INSR: variants seen among roughly 807,000 people sequenced by gnomAD.
The protein encoded by INSR is IR.
Under a neutral mutation model 142.6 loss-of-function variants are expected in INSR, and 67 were observed. That is an observed-to-expected ratio of 0.47 (90% confidence interval 0.39 to 0.58). INSR has a LOEUF of 0.58. Ranked by LOEUF, INSR falls within the 20% of genes least tolerant of loss-of-function variation. INSR has a pLI of 0.00. For synonymous variants in INSR, 756 were observed against 743.1 expected, an observed-to-expected ratio of 1.02 and a Z score of -0.28; for missense variants, 1,248 against 1,833.2, an observed-to-expected ratio of 0.68 and a Z score of 5.83.
Position 7,267,553 on chromosome 19 carries a change from C to T in INSR, c.444G>A (p.Lys148=). 1 of 1,614,132 alleles carries T rather than the reference C, an allele frequency of 6.2e-7. No homozygotes were observed. Among genetic ancestry groups the T allele is most frequent in the Non-Finnish European group, 8.5e-7 (1 of 1,180,018 alleles). The change falls in exon 2 of 22, where the codon AAG becomes AAA. Residue 148 remains lysine, a synonymous_variant. Coordinates refer to ENST00000302850, the MANE Select transcript of INSR (RefSeq NM_000208.4). The surrounding 1 kb of genome is among the most constrained non-coding windows in gnomAD (Gnocchi z 6.3). ...NITRGSVRIE[K]NNELCYLATI... is the part of the protein sequence containing the mutation. ...TGGCCAAGTAACAGAGCTCATTGTT[C>T]TTCTCGATGCGGACAGAACCCCGGG...
intron 2 of INSR, among the ~76,000 whole-genome samples, chr19:7,208,343 T>TC (rs74955999): frequency 0.45 from 68,832 of 151,680 alleles, 15,805 homozygotes; most frequent in African/African-American, 0.53. Context: ...CCTCAGCCTA[T>TC]CTTCCCTCTG....
chr19:7,194,281 G>A (rs1254579826), intron 2 of INSR, among the ~76,000 whole-genome samples: 1 of 152,008 alleles, frequency 6.6e-6, no homozygotes, highest in Non-Finnish European at 1.5e-5. Context: ...GCTGGGCGTG[G>A]TGGTAGGCAC....
chr19:7,248,485 C>CAAAAA (rs758091489), intron 2 of INSR, among the ~76,000 whole-genome samples: 7 of 35,406 alleles, frequency 2.0e-4, no homozygotes, highest in African/African-American at 4.3e-4. Flanking sequence ...GACCCCATCT[C>CAAAAA]AAAAAAAAAA....
At chr19:7,186,621 A>T (rs988830043) in intron 2 of INSR, among the ~76,000 whole-genome samples, 10 of 151,990 alleles carry the variant, frequency 6.6e-5, no homozygotes, top group Admixed American at 1.3e-4. Context: ...ACCAAACTGA[A>T]ACTCTGCCCC....
At chr19:7,244,586 G>A (rs561119099) in intron 2 of INSR, among the ~76,000 whole-genome samples, 160 of 151,906 alleles carry the variant, frequency 1.1e-3, no homozygotes, top group African/African-American at 3.6e-3. Context: ...ATACCTGCCC[G>A]GAAAGGAAAA....
At chr19:7,198,918 T>A (rs1357902979) in intron 2 of INSR, among the ~76,000 whole-genome samples, 7 of 151,946 alleles carry the variant, frequency 4.6e-5, no homozygotes, top group African/African-American at 1.7e-4. Context: ...GGTCTCACTC[T>A]GTCGCCTCAG....
intron 2 of INSR, among the ~76,000 whole-genome samples, chr19:7,236,950 C>A (rs942258940): frequency 8.0e-5 from 12 of 150,906 alleles, no homozygotes; most frequent in African/African-American, 2.9e-4. Context: ...TGGCATGAAC[C>A]CAGGAGACAG....
chr19:7,248,449 G>A (rs1419678442), intron 2 of INSR, among the ~76,000 whole-genome samples: 1 of 128,604 alleles, frequency 7.8e-6, no homozygotes, highest in Non-Finnish European at 1.6e-5. Flanking sequence ...TTACATCACT[G>A]CACTCCAGCC....
intron 13 of INSR, among the ~76,000 whole-genome samples, chr19:7,137,798 CAAAA>C (rs1176523364): frequency 1.7e-4 from 7 of 41,468 alleles, no homozygotes; most frequent in East Asian, 1.6e-3. Flanking sequence ...GACTCCATCT[CAAAA>C]AAAAAAAAAA....
At chr19:7,264,013 T>C (rs548018378) in intron 2 of INSR, among the ~76,000 whole-genome samples, 5 of 152,064 alleles carry the variant, frequency 3.3e-5, no homozygotes, top group East Asian at 1.9e-4. Context: ...CTACTAAAAA[T>C]ACAAAATTAG....
At chr19:7,182,023 T>C (rs1005716875) in intron 3 of INSR, among the ~76,000 whole-genome samples, 1 of 152,042 alleles carries the variant, frequency 6.6e-6, no homozygotes, top group Non-Finnish European at 1.5e-5. Flanking sequence ...CGATTAAGTC[T>C]TTCATAAGAT....
chr19:7,249,717 G>A (rs892774823), intron 2 of INSR, among the ~76,000 whole-genome samples: 3 of 152,144 alleles, frequency 2.0e-5, no homozygotes, highest in South Asian at 2.1e-4. Flanking sequence ...TAGCGGCTGG[G>A]CGCGGTGGCT....
chr19:7,254,346 T>C (rs1976825640), intron 2 of INSR, among the ~76,000 whole-genome samples: 1 of 151,764 alleles, frequency 6.6e-6, no homozygotes, highest in Admixed American at 6.6e-5. Flanking sequence ...CAAGACTCCA[T>C]CTCTTTAATA....
At chr19:7,186,295 C>G (rs1053500182) in intron 2 of INSR, among the ~76,000 whole-genome samples, 8 of 152,082 alleles carry the variant, frequency 5.3e-5, no homozygotes, top group Middle Eastern at 3.2e-3. Flanking sequence ...TGGATCCCAC[C>G]GGCCAAACTC....
rs765709081 is a variant in INSR, at chr19:7,125,564, T to A, written c.3014-37A>T. On this transcript the variant is annotated intron_variant, in intron 16 of 21. Transcript: ENST00000302850. The surrounding 1 kb of genome is among the most constrained non-coding windows in gnomAD (Gnocchi z 4.9). ...TTATCTACACAGCATCCTTGGAGGA[T>A]CCCTTGGGGGTCTGCAGCCACCTTC... The A allele has an allele frequency of 1.2e-6, 2 of 1,608,698 alleles. No homozygotes were observed. Among genetic ancestry groups the A allele is most frequent in the East Asian group, 2.2e-5 (1 of 44,868 alleles).
At chr19:7,173,103 G>A (rs1024188318) in intron 4 of INSR, among the ~76,000 whole-genome samples, 110 of 152,110 alleles carry the variant, frequency 7.2e-4, no homozygotes, top group African/African-American at 2.6e-3. Flanking sequence ...TCATGAAAGA[G>A]CCCTTTATAG....
intron 2 of INSR, among the ~76,000 whole-genome samples, chr19:7,189,246 A>G (rs1974513647): frequency 6.6e-6 from 1 of 152,200 alleles, no homozygotes. Context: ...CTTTCATTCA[A>G]AAGAGGCGTC....
intron 1 of INSR, among the ~76,000 whole-genome samples, chr19:7,270,504 C>A (rs1319279285): frequency 6.6e-6 from 1 of 152,040 alleles, no homozygotes; most frequent in Non-Finnish European, 1.5e-5. Context: ...GTAATCCCAG[C>A]AGTTTGGGAG....
At position 7,168,771 on chromosome 19, in the gene INSR, A is replaced by AT. The variant is rs68031453; in HGVS notation, c.1484-678dup. ...ACCACCACGTCCAGCTAGTTTTTGT[A>AT]TTTTTTTTTTTTAGTAGAGATGGAG... On this transcript the variant is annotated intron_variant, in intron 6 of 21. Coordinates refer to ENST00000302850, the MANE Select transcript of INSR (RefSeq NM_000208.4). The surrounding 1 kb of genome is among the most constrained non-coding windows in gnomAD (Gnocchi z 4.3). 0.27 allele frequency among the ~76,000 whole-genome samples: 39,950 copies of AT among 146,734 alleles called. 6,787 individuals are homozygous for AT. Among genetic ancestry groups the AT allele is most frequent in the African/African-American group, 0.49 (19,789 of 40,296 alleles).
Sources: gnomAD v4.1 joint callset for allele counts (sites outside exome capture counted in the v4.1 genomes callset) on GRCh38, gnomAD v4.1.1 for gene constraint, Gnocchi (gnomAD v3.1) non-coding constraint, MANE v1.5 for transcripts, NCBI Gene and HGNC (gene_info 2026-07-23, HGNC 2026-07-21) for gene names.